ERI1: variants seen among roughly 807,000 people sequenced by gnomAD.
ERI1 encodes the protein 3'-5' exoribonuclease 1.
Under a neutral mutation model 39.7 loss-of-function variants are expected in ERI1, and 39 were observed. The ratio of observed to expected loss-of-function variants is 0.98; its 90% CI spans 0.76 to 1.28. The LOEUF (loss-of-function observed/expected upper bound fraction) is 1.28. ERI1 is among the 50% of genes most tolerant of loss of function. The pLI is 0.00. For missense variants in ERI1, 581 were observed against 416.9 expected, an observed-to-expected ratio of 1.39 and a Z score of -3.43; for synonymous variants, 204 against 149.6, an observed-to-expected ratio of 1.36 and a Z score of -2.65.
chr8:9,018,346 T>A lies in ERI1; in HGVS notation c.632T>A (p.Ile211Asn), dbSNP rs767555461. Residue 211 changes from isoleucine to asparagine, a missense_variant, in exon 5 of 7, where the codon ATT (isoleucine) becomes AAT (asparagine). Ile to Asn is a moderately radical substitution (Grantham distance 149). Coordinates refer to ENST00000250263, the MANE Select transcript of ERI1 (RefSeq NM_153332.4). ...TTCCCTCAGGTACTAAAAAAAGTAA[T>A]TGACTGGATGAAATTGAAGGAATTA... The part of the protein sequence containing the change: ...DTFPQVLKKV[I>N]DWMKLKELGT... 1 of 1,612,726 alleles carries A rather than the reference T, an allele frequency of 6.2e-7. No individual in the cohort carries two copies. Among genetic ancestry groups the A allele is most frequent in the South Asian group, 1.1e-5 (1 of 91,006 alleles).
chr8:9,057,216 C>A (rs1437336767), intron 3 of ERI1, among the ~76,000 whole-genome samples: 1 of 152,128 alleles, frequency 6.6e-6, no homozygotes, highest in African/African-American at 2.4e-5. Context: ...GCAATCACTG[C>A]TCACTGCAGC....
At chr8:9,078,618 A>G (rs1374873760) in intron 3 of ERI1, among the ~76,000 whole-genome samples, 1 of 152,194 alleles carries the variant, frequency 6.6e-6, no homozygotes, top group Non-Finnish European at 1.5e-5. Flanking sequence ...GGTTTTATCC[A>G]TTAGACTGCA....
chr8:9,080,907 A>T (rs1799347850), intron 3 of ERI1, among the ~76,000 whole-genome samples: 1 of 152,270 alleles, frequency 6.6e-6, no homozygotes, highest in South Asian at 2.1e-4. Flanking sequence ...TTCACTGACA[A>T]AATATGCTAT....
At chr8:9,019,569 T>TTA (rs1200335092) in intron 5 of ERI1, among the ~76,000 whole-genome samples, 1 of 152,120 alleles carries the variant, frequency 6.6e-6, no homozygotes, top group East Asian at 1.9e-4. Flanking sequence ...AAACCAATCA[T>TTA]TAGAGTCTCC....
intron 3 of ERI1, among the ~76,000 whole-genome samples, chr8:9,075,415 G>C (rs994627634): frequency 2.0e-5 from 3 of 151,694 alleles, no homozygotes; most frequent in African/African-American, 7.3e-5. Flanking sequence ...ACAATAATAA[G>C]AACACAGCTA....
chr8:9,050,199 G>A (rs868009321), intron 3 of ERI1, among the ~76,000 whole-genome samples: 2 of 151,068 alleles, frequency 1.3e-5, no homozygotes, highest in Non-Finnish European at 2.9e-5. Flanking sequence ...AGCTATTTTC[G>A]CCTTACTATT....
At position 9,030,350 on chromosome 8, in the gene ERI1, C is replaced by G. The variant is rs190213778; in HGVS notation, c.*316C>G. On this transcript the variant is annotated 3_prime_UTR_variant, in exon 7 of 7. Coordinates refer to ENST00000250263, the MANE Select transcript of ERI1 (RefSeq NM_153332.4). ...AAAATGCAAAATCTTATTGGCTGTT[C>G]TGTTGAATGTCATATCTTACTGGTG... 102 of 278,420 alleles carry G rather than the reference C, an allele frequency of 3.7e-4. No homozygotes were observed. Among genetic ancestry groups the G allele is most frequent in the African/African-American group, 2.0e-3 (93 of 47,286 alleles). 17.2% of individuals were successfully genotyped at this position (278,420 alleles called of 1,614,324 possible).
intron 1 of ERI1, among the ~76,000 whole-genome samples, chr8:9,006,116 C>T (rs1384356685): frequency 6.6e-6 from 1 of 152,212 alleles, no homozygotes; most frequent in Non-Finnish European, 1.5e-5. Context: ...TGTCTTTCTG[C>T]AGATTAACAA....
intron 3 of ERI1, among the ~76,000 whole-genome samples, chr8:9,061,931 C>T (rs11775993): frequency 0.27 from 40,782 of 151,672 alleles, 5,854 homozygotes; most frequent in African/African-American, 0.3. Context: ...GTTTGAGATC[C>T]AGAACAGAAT....
chr8:9,055,590 A>G (rs1463201138), intron 3 of ERI1, among the ~76,000 whole-genome samples: 2 of 152,106 alleles, frequency 1.3e-5, no homozygotes, highest in Non-Finnish European at 2.9e-5. Flanking sequence ...CCTAGACTGG[A>G]GTGCAGTGGT....
intron 6 of ERI1, among the ~76,000 whole-genome samples, chr8:9,022,125 G>A (rs1817974814): frequency 6.6e-6 from 1 of 151,962 alleles, no homozygotes; most frequent in Non-Finnish European, 1.5e-5. Flanking sequence ...TGCTATGTGA[G>A]TTTATAGTTA....
At chr8:9,042,532 G>T (rs939789744) in intron 3 of ERI1, among the ~76,000 whole-genome samples, 1 of 152,140 alleles carries the variant, frequency 6.6e-6, no homozygotes, top group East Asian at 1.9e-4. Context: ...ACTCAAATCT[G>T]CCAGTTCCCT....
chr8:9,040,449 G>C (rs1389799010), intron 3 of ERI1, among the ~76,000 whole-genome samples: 1 of 152,194 alleles, frequency 6.6e-6, no homozygotes, highest in Non-Finnish European at 1.5e-5. Context: ...AAGTGAGCTG[G>C]GAAGGTGAGT....
At chr8:9,039,853 G>C (rs1192794646) in intron 3 of ERI1, among the ~76,000 whole-genome samples, 1 of 152,116 alleles carries the variant, frequency 6.6e-6, no homozygotes, top group Non-Finnish European at 1.5e-5. Context: ...ATATTTGACT[G>C]TATTTGGAGT....
chr8:9,087,462 C>T (rs1460577251), intron 3 of ERI1, among the ~76,000 whole-genome samples: 1 of 122,716 alleles, frequency 8.1e-6, no homozygotes, highest in Non-Finnish European at 1.6e-5. Flanking sequence ...AGGGTTTCAA[C>T]ATGTTGGCCA....
downstream of ERI1, among the ~76,000 whole-genome samples, chr8:9,035,094 C>T (rs34004903): frequency 0.46 from 70,360 of 151,666 alleles, 17,820 homozygotes; most frequent in African/African-American, 0.62. Context: ...AGAGATTGGT[C>T]CATGAAATTT....
intron 6 of ERI1, among the ~76,000 whole-genome samples, chr8:9,028,076 A>T (rs886534837): frequency 6.6e-6 from 1 of 152,198 alleles, no homozygotes; most frequent in Non-Finnish European, 1.5e-5. Flanking sequence ...TATCAAAGTG[A>T]TGCTGACCTT....
At chr8:9,015,010 G>GT (rs1817077826) in intron 3 of ERI1, among the ~76,000 whole-genome samples, 2 of 152,068 alleles carry the variant, frequency 1.3e-5, no homozygotes, top group Admixed American at 1.3e-4. Flanking sequence ...GCTAATTTTT[G>GT]TATTTTTAGT....
At chr8:9,015,554 C>G (rs112889348) in intron 3 of ERI1, among the ~76,000 whole-genome samples, 2 of 151,746 alleles carry the variant, frequency 1.3e-5, no homozygotes. Flanking sequence ...AACCCAGTCT[C>G]TACTAAAAAT....
Sources: allele counts gnomAD v4.1 joint callset (sites outside exome capture counted in the v4.1 genomes callset), GRCh38; gene constraint gnomAD v4.1.1; transcripts MANE v1.5; gene names NCBI Gene and HGNC (gene_info 2026-07-23, HGNC 2026-07-21).